Variants in ZNF718 observed in about 807,000 individuals in gnomAD.
ZNF718 encodes zinc finger protein 718.
ZNF718 carries 3 observed loss-of-function variants against 2.6 expected under a neutral mutation model. That is an observed-to-expected ratio of 1.16 (90% confidence interval 0.53 to 3.01). The LOEUF (loss-of-function observed/expected upper bound fraction) is 3.01, where lower values mean the gene tolerates loss of function less well. Ranked by LOEUF, ZNF718 falls within the 30% of genes most tolerant of loss-of-function variation. The pLI, the probability that ZNF718 is intolerant of heterozygous loss-of-function variation, is 0.03. For synonymous variants in ZNF718, 135 were observed against 77.9 expected (o/e 1.73, Z -3.86); for missense variants, 468 against 230.0 (o/e 2.03, Z -6.69).
chr4:176,708 T>A (rs1553819127), intron 3 of ZNF718, among the ~76,000 whole-genome samples: 2 of 152,210 alleles, frequency 1.3e-5, no homozygotes. Context: ...GTATGAATTA[T>A]GCAATAGGTT....
intron 1 of ZNF718, among the ~76,000 whole-genome samples, chr4:126,184 A>G (rs1453831764): frequency 6.6e-6 from 1 of 152,176 alleles, no homozygotes; most frequent in Non-Finnish European, 1.5e-5. Context: ...TTACGTGCCT[A>G]CAAGAATTCA....
intron 3 of ZNF718, among the ~76,000 whole-genome samples, chr4:142,260 AT>A (rs1354974902): frequency 6.6e-6 from 1 of 152,072 alleles, no homozygotes; most frequent in East Asian, 1.9e-4. Context: ...TTACCTTTGA[AT>A]TTTTTTTCTT....
intron 1 of ZNF718, among the ~76,000 whole-genome samples, chr4:126,674 A>C (rs953284097): frequency 1.5e-5 from 1 of 66,000 alleles, no homozygotes; most frequent in African/African-American, 6.4e-5. Flanking sequence ...CAAGTCTTCT[A>C]CTTAAGAACT....
intron 3 of ZNF718, among the ~76,000 whole-genome samples, chr4:134,205 G>A (rs1715454775): frequency 6.6e-6 from 1 of 152,146 alleles, no homozygotes. Flanking sequence ...GGAGTGCAGT[G>A]GCGCGATATC....
downstream of ZNF718, among the ~76,000 whole-genome samples, chr4:167,607 A>T (rs1454374248): frequency 3.3e-5 from 5 of 152,020 alleles, no homozygotes; most frequent in Admixed American, 3.3e-4. Context: ...ATTCTCTTTG[A>T]AGCAATTGTG....
At position 189,043 on chromosome 4, in the gene ZNF718, A is replaced by G. The variant is rs189652660; in HGVS notation, c.227-12038A>G. Among the ~76,000 whole-genome samples the G allele has an allele frequency of 7.8e-3, 1,162 of 149,736 alleles. 15 individuals are homozygous for G. The highest frequency in any genetic ancestry group is 0.059 in the Middle Eastern group (17 of 286). On this transcript the variant is annotated intron_variant and NMD_transcript_variant, in intron 3 of 4. Coordinates refer to the ZNF718 transcript ENST00000642529. The stretch of plus-strand genomic sequence containing the variant: ...GAAAATAATTTACTTTGAAATTTAC[A>G]TTGAATCTGTAGATTATTTTTTTTT...
intron 3 of ZNF718, chr4:142,051 C>T (rs367755675): frequency 1.9e-6 from 1 of 519,700 alleles, no homozygotes; most frequent in African/African-American, 1.9e-5. Flanking sequence ...TCCTTGCCAC[C>T]CACACTACAA....
rs1221137433 is a variant in ZNF718, at chr4:127,433, A to G, written c.3+2760A>G. Among the ~76,000 whole-genome samples, 3 of 104,026 alleles carry G rather than the reference A, an allele frequency of 2.9e-5. 1 individual carries two copies. The highest frequency in any genetic ancestry group is 6.4e-5 in the Non-Finnish European group (3 of 46,684). 68.2% of individuals were successfully genotyped at this position (104,026 alleles called of 152,430 possible). A position where few individuals can be genotyped will look rare whatever the true frequency, so the allele number is the denominator to read the frequency against. On this transcript the variant is annotated intron_variant, in intron 1 of 3. Coordinates refer to ENST00000510175, the MANE Select transcript of ZNF718 (RefSeq NM_001039127.6). ...TCATCTTCAGATCTGACACGGATTC[A>G]GAGATCACGGGGCCCATAAACCCAA...
chr4:157,103 C>CTTTTTTTTTTTT (rs199814257), intron 3 of ZNF718, among the ~76,000 whole-genome samples: 19 of 103,156 alleles, frequency 1.8e-4, no homozygotes, highest in South Asian at 6.0e-4. Context: ...TTCTTTCTTT[C>CTTTTTTTTTTTT]TTTTTTTTTT....
downstream of ZNF718, among the ~76,000 whole-genome samples, chr4:165,162 A>G (rs973031060): frequency 6.6e-6 from 1 of 152,154 alleles, no homozygotes; most frequent in African/African-American, 2.4e-5. Flanking sequence ...TCTTCATGCC[A>G]TGTAATTTCA....
At chr4:142,740 G>C (rs1002879594) in intron 3 of ZNF718, among the ~76,000 whole-genome samples, 6 of 152,226 alleles carry the variant, frequency 3.9e-5, no homozygotes, top group Admixed American at 1.3e-4. Context: ...GCTGGCACTT[G>C]TGGCTTATGG....
chr4:139,276 C>T lies in ZNF718; in HGVS notation c.226+7771C>T, dbSNP rs181968222. On this transcript the variant is annotated intron_variant, in intron 3 of 3. Coordinates refer to ENST00000510175, the MANE Select transcript of ZNF718 (RefSeq NM_001039127.6). The stretch of plus-strand genomic sequence containing the variant: ...TTGATGTCTTAGATTTGTCTCTAAT[C>T]CGTTTTGATTTAATTTTTTTTAGAT... 2.2e-4 allele frequency among the ~76,000 whole-genome samples: 34 copies of T among 152,190 alleles called. 1 individual carries two copies. The highest frequency in any genetic ancestry group is 1.9e-3 in the Admixed American group (29 of 15,290).
chr4:183,670 C>A (rs1211873192), intron 3 of ZNF718, among the ~76,000 whole-genome samples: 1 of 152,026 alleles, frequency 6.6e-6, no homozygotes, highest in Non-Finnish European at 1.5e-5. Context: ...TTTGTGTCAC[C>A]TCTGATTTAT....
chr4:124,565 G>A lies in ZNF718; in HGVS notation c.-106G>A. ...CTCATCGCTCTGCTCCCGCTCCTTA[G>A]GGAAGCCTCGGTGATTCTGCCACAG... On this transcript the variant is annotated 5_prime_UTR_variant, in exon 1 of 4. Transcript: ENST00000510175. 1 of 1,523,390 alleles carries A rather than the reference G, an allele frequency of 6.6e-7. No individual in the cohort carries two copies. The highest frequency in any genetic ancestry group is 9.0e-7 in the Non-Finnish European group (1 of 1,112,968). The allele number at this position is 1,523,390 out of a possible 1,614,324, so 94.4% of individuals were successfully genotyped here. A position where few individuals can be genotyped will look rare whatever the true frequency, so the allele number is the denominator to read the frequency against.
In ZNF718 at chr4:163,899, T is replaced by C. The variant is rs1251163343; in HGVS notation, c.*1777T>C. ...TAAAAATTTATGTGGGTACATGGTA[T>C]GTGTATACATTCATGGCATAGATGG... On this transcript the variant is annotated 3_prime_UTR_variant, in exon 4 of 4. Coordinates refer to ENST00000510175, the MANE Select transcript of ZNF718 (RefSeq NM_001039127.6). The C allele has an allele frequency of 6.9e-6, 1 of 145,468 alleles. No individual in the cohort carries two copies. The highest frequency in any genetic ancestry group is 1.6e-5 in the Non-Finnish European group (1 of 64,108). The allele number at this position is 145,468 out of a possible 1,614,324, so 9.0% of individuals were successfully genotyped here. A position where few individuals can be genotyped will look rare whatever the true frequency, so the allele number is the denominator to read the frequency against.
At chr4:138,642 C>G (rs1396422860) in intron 3 of ZNF718, among the ~76,000 whole-genome samples, 1 of 152,078 alleles carries the variant, frequency 6.6e-6, no homozygotes, top group Non-Finnish European at 1.5e-5. Context: ...TATGTACATA[C>G]CTAGCAATGG....
At chr4:125,620 A>T (rs1715173909) in intron 1 of ZNF718, among the ~76,000 whole-genome samples, 1 of 152,174 alleles carries the variant, frequency 6.6e-6, no homozygotes, top group African/African-American at 2.4e-5. Flanking sequence ...GGTTCTGCAC[A>T]GGCGCTGTCC....
At position 161,353 on chromosome 4, in the gene ZNF718, G is replaced by A. The variant is rs782330438; in HGVS notation, c.668G>A (p.Arg223Lys). 1.5e-5 allele frequency: 12 copies of A among 779,078 alleles called. No individual in the cohort carries two copies. The highest frequency in any genetic ancestry group is 2.6e-5 in the Non-Finnish European group (11 of 417,444). The allele number at this position is 779,078 out of a possible 1,614,324, so 48.3% of individuals were successfully genotyped here. A position where few individuals can be genotyped will look rare whatever the true frequency, so the allele number is the denominator to read the frequency against. The stretch of plus-strand genomic sequence containing the variant: ...ACTAAACATAAGAGAATTCATGCCA[G>A]AGAGAAATTCTACAAGTGTGAAGAA... ...ILTKHKRIHA[R>K]EKFYKCEECG... Residue 223 changes from arginine (R) to lysine (K), a missense_variant, in exon 4 of 4, where the codon AGA (arginine) becomes AAA (lysine). Coordinates refer to ENST00000510175, the MANE Select transcript of ZNF718 (RefSeq NM_001039127.6).
Position 146,205 on chromosome 4 carries a change from C to A in ZNF718, c.226+14700C>A, listed in dbSNP as rs374595928. Among the ~76,000 whole-genome samples, 6 of 151,776 alleles carry A rather than the reference C, an allele frequency of 4.0e-5. No homozygotes were observed. The South Asian group carries it at 6.2e-4, about 16-fold the overall frequency. On this transcript the variant is annotated intron_variant, in intron 3 of 3. Transcript: ENST00000510175. ...ATTAACATTTTTTTGTAAGACAGGTCTAGTGATTATAAATTCCCTCAACTT... is the reference window on the plus strand; with the variant it reads ...ATTAACATTTTTTTGTAAGACAGGTATAGTGATTATAAATTCCCTCAACTT...
Sources: allele counts gnomAD v4.1 joint callset (sites outside exome capture counted in the v4.1 genomes callset), GRCh38; gene constraint gnomAD v4.1.1; transcripts MANE v1.5; gene names NCBI Gene and HGNC (gene_info 2026-07-23, HGNC 2026-07-21).